The following DCPH1 variants were observed in gnomAD, a reference collection of about 807,000 sequenced individuals.
DCPH1 encodes the protein damage-control phosphatase 1.
the DCPH1 span, chr6:151,452,467 C>G: frequency 1.3e-6 from 2 of 1,518,428 alleles, no homozygotes; most frequent in East Asian, 4.7e-5. Context: ...CCATTCTCAG[C>G]TCCTCCTTCG....
At chr6:151,466,464 C>T in the DCPH1 span, among the ~76,000 whole-genome samples, 1 of 152,184 alleles carries the variant, frequency 6.6e-6, no homozygotes, top group Non-Finnish European at 1.5e-5. Context: ...TTCACACTGT[C>T]ACTGTGCTCC....
chr6:151,467,831 T>G, the DCPH1 span, among the ~76,000 whole-genome samples: 1 of 152,198 alleles, frequency 6.6e-6, no homozygotes, highest in African/African-American at 2.4e-5. Flanking sequence ...AGTAGCGTCT[T>G]TAGATATCAC....
At chr6:151,462,689 C>G in the DCPH1 span, among the ~76,000 whole-genome samples, 1 of 152,082 alleles carries the variant, frequency 6.6e-6, no homozygotes, top group Non-Finnish European at 1.5e-5. Flanking sequence ...TTGGATATAT[C>G]CCTCCCTAGA....
At chr6:151,464,098 G>A in the DCPH1 span, among the ~76,000 whole-genome samples, 2 of 152,058 alleles carry the variant, frequency 1.3e-5, no homozygotes, top group Admixed American at 1.3e-4. Flanking sequence ...CTGCCACATC[G>A]GTGGTTAAAA....
chr6:151,453,575 A>G, the DCPH1 span, among the ~76,000 whole-genome samples: 25 of 152,322 alleles, frequency 1.6e-4, no homozygotes, highest in Admixed American at 4.6e-4. Context: ...AAGTGTGTGC[A>G]GTTTTTTTCT....
At chr6:151,458,725 G>T in the DCPH1 span, among the ~76,000 whole-genome samples, 1 of 150,764 alleles carries the variant, frequency 6.6e-6, no homozygotes, top group African/African-American at 2.5e-5. Flanking sequence ...TTCTACAAAT[G>T]TTACTGATGG....
chr6:151,459,314 A>C, the DCPH1 span, among the ~76,000 whole-genome samples: 1 of 152,240 alleles, frequency 6.6e-6, no homozygotes, highest in Non-Finnish European at 1.5e-5. Context: ...TAAACGTTAC[A>C]ACTTACTTGG....
At chr6:151,458,316 G>A in the DCPH1 span, 1 of 1,605,938 alleles carries the variant, frequency 6.2e-7, no homozygotes, top group Non-Finnish European at 8.5e-7. Flanking sequence ...TATTTTTCTT[G>A]TATTTTTGCA....
the DCPH1 span, chr6:151,468,923 A>G: frequency 1.9e-6 from 3 of 1,613,814 alleles, no homozygotes; most frequent in Admixed American, 1.7e-5. Flanking sequence ...AGAAAATGGG[A>G]GTTTTCTGTT....
At chr6:151,460,023 CT>C in the DCPH1 span, among the ~76,000 whole-genome samples, 2 of 152,070 alleles carry the variant, frequency 1.3e-5, no homozygotes, top group Non-Finnish European at 2.9e-5. Context: ...TGTTCATTAG[CT>C]TTTTTGTCTT....
the DCPH1 span, chr6:151,469,789 A>G: frequency 6.6e-6 from 1 of 152,568 alleles, no homozygotes; most frequent in Non-Finnish European, 1.5e-5. Context: ...GAAGAAATGT[A>G]ATATCTTTTA....
chr6:151,466,919 T>C, the DCPH1 span, among the ~76,000 whole-genome samples: 1,208 of 152,230 alleles, frequency 7.9e-3, 15 homozygotes, highest in African/African-American at 0.027. Flanking sequence ...TTTAAGCCTT[T>C]TTTTTAAAAA....
chr6:151,454,689 T>C, the DCPH1 span: 80 of 1,030,796 alleles, frequency 7.8e-5, no homozygotes, highest in Non-Finnish European at 1.1e-4. Flanking sequence ...TTTTGTTAAT[T>C]TCTCAACAGA....
the DCPH1 span, among the ~76,000 whole-genome samples, chr6:151,465,131 C>T: frequency 8.0e-3 from 1,211 of 152,220 alleles, 15 homozygotes; most frequent in African/African-American, 0.027. Context: ...CTGTTAGCAT[C>T]GGTAGGTGAT....
At chr6:151,458,959 G>A in the DCPH1 span, among the ~76,000 whole-genome samples, 3 of 152,022 alleles carry the variant, frequency 2.0e-5, no homozygotes, top group African/African-American at 2.4e-5. Context: ...CCAGCATAAC[G>A]AAACCCGTCT....
chr6:151,464,339 C>A, the DCPH1 span: 3 of 594,044 alleles, frequency 5.1e-6, no homozygotes, highest in South Asian at 7.4e-5. Flanking sequence ...AATGTTATAT[C>A]TAGTTTCTGT....
chr6:151,452,570 T>G, the DCPH1 span: 2 of 1,611,690 alleles, frequency 1.2e-6, no homozygotes, highest in Non-Finnish European at 1.7e-6. Flanking sequence ...GGCGTCTCTC[T>G]CAGGACAGGA....
At chr6:151,457,606 A>G in the DCPH1 span, among the ~76,000 whole-genome samples, 6 of 152,198 alleles carry the variant, frequency 3.9e-5, no homozygotes, top group African/African-American at 1.2e-4. Flanking sequence ...GGAACAAAAG[A>G]AAGATTGGAG....
the DCPH1 span, among the ~76,000 whole-genome samples, chr6:151,459,809 CTG>C: frequency 6.6e-6 from 1 of 151,638 alleles, no homozygotes; most frequent in African/African-American, 2.4e-5. Flanking sequence ...AAACAAAAAA[CTG>C]TTATTTATAG....
Sources: gnomAD v4.1 joint callset for allele counts (sites outside exome capture counted in the v4.1 genomes callset) on GRCh38, gnomAD v4.1.1 for gene constraint, MANE v1.5 for transcripts, NCBI Gene and HGNC (gene_info 2026-07-23, HGNC 2026-07-21) for gene names.